The following GPR82 variants were observed in gnomAD, a reference collection of about 807,000 sequenced individuals.
GPR82 encodes probable G protein-coupled receptor 82.
GPR82 carries 6 observed loss-of-function variants against 12.9 expected under a neutral mutation model. That is an observed-to-expected ratio of 0.46 (90% confidence interval 0.25 to 0.92). The LOEUF (loss-of-function observed/expected upper bound fraction) is 0.92, where lower values mean the gene tolerates loss of function less well. Among genes scored for constraint, GPR82 ranks in the 40% least tolerant of loss-of-function variants. The pLI, the probability that GPR82 is intolerant of heterozygous loss-of-function variation, is 0.16. For missense variants in GPR82, 241 were observed against 245.5 expected (o/e 0.98, Z 0.12); for synonymous variants, 90 against 87.6 (o/e 1.03, Z -0.15).
At position 41,728,830 on chromosome X, in the gene GPR82, G is replaced by A. The variant is rs1238802593; in HGVS notation, c.*793G>A. ...CTTACCTAAATGCATGAATAATACA[G>A]TGAAAAAAATCCAAGGTTTTATAAA... On this transcript the variant is annotated 3_prime_UTR_variant, in exon 3 of 3. Transcript: ENST00000302548. 2 of 123,489 alleles carry A rather than the reference G, an allele frequency of 1.6e-5. No individual in the cohort carries two copies. Among genetic ancestry groups the A allele is most frequent in the South Asian group, 7.4e-4 (2 of 2,721 alleles). The allele number at this position is 123,489 out of a possible 1,213,427, so 10.2% of individuals were successfully genotyped here. A position where few individuals can be genotyped will look rare whatever the true frequency, so the allele number is the denominator to read the frequency against.
chrX:41,727,954 C>A lies in GPR82; in HGVS notation c.928C>A (p.Leu310Ile). 8.6e-7 allele frequency: 1 copy of A among 1,164,440 alleles called. No individual in the cohort carries two copies. Among genetic ancestry groups the A allele is most frequent in the Non-Finnish European group, 1.2e-6 (1 of 854,527 alleles). Residue 310 changes from leucine (L) to isoleucine (I), a missense_variant, in exon 3 of 3, where the codon CTT becomes ATT. Coordinates refer to ENST00000302548, the MANE Select transcript of GPR82 (RefSeq NM_080817.5). ...ARSSTDPIIF[L>I]LLDKTFKKTL... ...AAGTAGCACAGACCCCATTATATTTCTTTTATTAGATAAAACATTCAAGAA... is the reference window on the plus strand; with the variant it reads ...AAGTAGCACAGACCCCATTATATTTATTTTATTAGATAAAACATTCAAGAA...
At position 41,729,811 on chromosome X, in the gene GPR82, T is replaced by C. The variant is rs1323354529; in HGVS notation, c.*1774T>C. On this transcript the variant is annotated 3_prime_UTR_variant, in exon 3 of 3. Coordinates refer to ENST00000302548, the MANE Select transcript of GPR82 (RefSeq NM_080817.5). ...ATATATATATATATATATATATGTATGTATGTATGTATATGTGCATAGTTA... is the reference window on the plus strand; with the variant it reads ...ATATATATATATATATATATATGTACGTATGTATGTATATGTGCATAGTTA... The C allele has an allele frequency of 2.0e-5, 2 of 99,376 alleles. No individual in the cohort carries two copies. Among genetic ancestry groups the C allele is most frequent in the Non-Finnish European group, 4.4e-5 (2 of 45,790 alleles). The allele number at this position is 99,376 out of a possible 1,213,427, so 8.2% of individuals were successfully genotyped here. A position where few individuals can be genotyped will look rare whatever the true frequency, so the allele number is the denominator to read the frequency against.
In GPR82 at chrX:41,727,051, C is replaced by A. The variant is rs138093063; in HGVS notation, c.25C>A (p.Gln9Lys). Residue 9 changes from glutamine (Q) to lysine (K), a missense_variant, in exon 3 of 3, where the codon CAA becomes AAA. Physicochemically the swap from Gln to Lys is moderately conservative, Grantham distance 53 (BLOSUM62 1). Coordinates refer to ENST00000302548, the MANE Select transcript of GPR82 (RefSeq NM_080817.5). The part of the protein sequence containing the change: MNNNTTCI[Q>K]PSMISSMALP... ...AATGAACAACAATACAACATGTATT[C>A]AACCATCTATGATCTCTTCCATGGC... 7.5e-5 allele frequency: 87 copies of A among 1,160,367 alleles called. No individual in the cohort carries two copies. Among genetic ancestry groups the A allele is most frequent in the Non-Finnish European group, 9.3e-5 (80 of 860,543 alleles).
intron 1 of GPR82, among the ~76,000 whole-genome samples, chrX:41,724,956 A>C (rs761153933): frequency 8.9e-6 from 1 of 111,914 alleles, no homozygotes; most frequent in Non-Finnish European, 1.9e-5. Context: ...TGAGCAGATA[A>C]TTTTTTCTTA....
rs1310292769 is a variant in GPR82, at chrX:41,728,289, G to A, written c.*252G>A. On this transcript the variant is annotated 3_prime_UTR_variant, in exon 3 of 3. Coordinates refer to ENST00000302548, the MANE Select transcript of GPR82 (RefSeq NM_080817.5). ...GGATCCCACTCATATGAAACTAACA[G>A]GCTGTTTTCTGTTTAAACTCAACTG... 4.1e-6 allele frequency: 1 copy of A among 245,086 alleles called. No individual in the cohort carries two copies. Among genetic ancestry groups the A allele is most frequent in the Non-Finnish European group, 7.5e-6 (1 of 133,126 alleles). The allele number at this position is 245,086 out of a possible 1,213,427, so 20.2% of individuals were successfully genotyped here. A position where few individuals can be genotyped will look rare whatever the true frequency, so the allele number is the denominator to read the frequency against.
Position 41,729,210 on chromosome X carries a change from A to G in GPR82, c.*1173A>G, listed in dbSNP as rs1352109041. 1 of 123,223 alleles carries G rather than the reference A, an allele frequency of 8.1e-6. No individual in the cohort carries two copies. The highest frequency in any genetic ancestry group is 1.9e-5 in the Non-Finnish European group (1 of 53,276). 10.2% of individuals were successfully genotyped at this position (123,223 alleles called of 1,213,427 possible). ...ACTTTTTATTTAGCTGGACAATCTT[A>G]GGCAAATTAACTTATCCTCTGTACG... On this transcript the variant is annotated 3_prime_UTR_variant, in exon 3 of 3. Transcript: ENST00000302548.
intron 1 of GPR82, 134 bp from the exon 2 acceptor site, chrX:41,726,639 T>C (rs1048067104): frequency 8.6e-6 from 1 of 116,654 alleles, no homozygotes; most frequent in Non-Finnish European, 1.8e-5. Flanking sequence ...TGCCTTAAAA[T>C]TTTTTAAATT....
rs779510512 is a variant in GPR82, at chrX:41,727,146, T to A, written c.120T>A (p.Phe40Leu). ...VFGNTLSQWI[F>L]LTKIGKKTST... ...GAAACACTCTCTCTCAATGGATATT[T>A]TTAACAAAAATAGGTAAAAAAACAT... Residue 40 changes from phenylalanine to leucine, a missense_variant, in exon 3 of 3, where the codon TTT becomes TTA. Physicochemically the swap from Phe to Leu is conservative, Grantham distance 22 (BLOSUM62 0). Coordinates refer to ENST00000302548, the MANE Select transcript of GPR82 (RefSeq NM_080817.5). 5.8e-6 allele frequency: 7 copies of A among 1,204,274 alleles called. No individual in the cohort carries two copies.
chrX:41,726,718 A>G (rs1203782564), intron 1 of GPR82, 55 bp from the exon 2 acceptor site: 1 of 164,532 alleles, frequency 6.1e-6, no homozygotes, highest in African/African-American at 3.0e-5. Context: ...CATTTCTCTA[A>G]GTAAAATTAT....
chrX:41,726,706 T>C (rs2068266718), intron 1 of GPR82, 67 bp from the exon 2 acceptor site: 1 of 151,634 alleles, frequency 6.6e-6, no homozygotes. Context: ...CTAAGAACTA[T>C]ACATTTCTCT....
chrX:41,727,479 T>G lies in GPR82; in HGVS notation c.453T>G (p.Phe151Leu). Residue 151 changes from phenylalanine to leucine, a missense_variant, in exon 3 of 3, where the codon TTT becomes TTG. By Grantham distance (22) the Phe-to-Leu change is conservative. Coordinates refer to ENST00000302548, the MANE Select transcript of GPR82 (RefSeq NM_080817.5). ...HLLKKFRQPN[F>L]ARKLCIYIWG... ...TGAAAAAATTTCGCCAGCCCAACTT[T>G]GCTAGAAAACTATGCATTTACATAT... is the stretch of plus-strand genomic sequence containing the variant. 1 of 1,210,142 alleles carries G rather than the reference T, an allele frequency of 8.3e-7. No homozygotes were observed.
In GPR82 at chrX:41,727,815, T is replaced by C. The variant is rs760391098; in HGVS notation, c.789T>C (p.Leu263=). ...AGATTCTACTAATAGTTTGCTTCCTTCCTTATAGTATTTTTAAACCCATTT... is the reference window on the plus strand; with the variant it reads ...AGATTCTACTAATAGTTTGCTTCCTCCCTTATAGTATTTTTAAACCCATTT... ...VIQILLIVCF[L]PYSIFKPIFY... is the part of the protein sequence containing the mutation. The change falls in exon 3 of 3, where the codon CTT becomes CTC. Residue 263 remains leucine, a synonymous_variant. Coordinates refer to ENST00000302548, the MANE Select transcript of GPR82 (RefSeq NM_080817.5). 5.0e-6 allele frequency: 6 copies of C among 1,193,620 alleles called. No homozygotes were observed. The Admixed American group carries it at 1.3e-4, about 26-fold the overall frequency.
Position 41,727,165 on chromosome X carries a change from A to C in GPR82, c.139A>C (p.Lys47Gln). The change falls in exon 3 of 3, where the codon AAA becomes CAA. Residue 47 changes from lysine (K) to glutamine (Q), a missense_variant. Coordinates refer to ENST00000302548, the MANE Select transcript of GPR82 (RefSeq NM_080817.5). ...GATATTTTTAACAAAAATAGGTAAA[A>C]AAACATCAACGCACATCTACCTGTC... ...QWIFLTKIGKKTSTHIYLSHL... is the reference protein window; with the variant it reads ...QWIFLTKIGKQTSTHIYLSHL... 2.5e-6 allele frequency: 3 copies of C among 1,207,941 alleles called. No individual in the cohort carries two copies. Among genetic ancestry groups the C allele is most frequent in the Non-Finnish European group, 3.4e-6 (3 of 892,230 alleles).
chrX:41,726,078 G>T (rs1318189828), intron 1 of GPR82, among the ~76,000 whole-genome samples: 2 of 112,067 alleles, frequency 1.8e-5, no homozygotes, highest in Non-Finnish European at 3.8e-5. Flanking sequence ...CTCCCAAAGT[G>T]CTGGGATAAC....
chrX:41,726,907 C>T (rs749885347), intron 2 of GPR82, 64 bp downstream of exon 2: 1 of 373,837 alleles, frequency 2.7e-6, no homozygotes, highest in East Asian at 4.2e-5. Context: ...TTATTTAATT[C>T]AATGTTTTTC....
chrX:41,724,956 A>AT (rs1383796212), intron 1 of GPR82, among the ~76,000 whole-genome samples: 1 of 111,966 alleles, frequency 8.9e-6, no homozygotes, highest in African/African-American at 3.2e-5. Flanking sequence ...TGAGCAGATA[A>AT]TTTTTTCTTA....
At chrX:41,726,154 G>A (rs2068256850) in intron 1 of GPR82, among the ~76,000 whole-genome samples, 2 of 112,025 alleles carry the variant, frequency 1.8e-5, no homozygotes, top group Admixed American at 1.9e-4. Flanking sequence ...TCGCTATGTT[G>A]TCCAGGGTGT....
Position 41,727,947 on chromosome X carries a change from T to C in GPR82, c.921T>C (p.Ile307=). 8.5e-7 allele frequency: 1 copy of C among 1,174,650 alleles called. No homozygotes were observed. The change falls in exon 3 of 3, where the codon ATT becomes ATC. Residue 307 remains isoleucine, a synonymous_variant. Coordinates refer to ENST00000302548, the MANE Select transcript of GPR82 (RefSeq NM_080817.5). ...LASARSSTDP[I]IFLLLDKTFK... is the part of the protein sequence containing the mutation. Reference sequence around the variant, plus strand: ...CGGCCAGAAGTAGCACAGACCCCATTATATTTCTTTTATTAGATAAAACAT... The same window carrying C: ...CGGCCAGAAGTAGCACAGACCCCATCATATTTCTTTTATTAGATAAAACAT...
At chrX:41,725,149 A>G (rs1302991148) in intron 1 of GPR82, among the ~76,000 whole-genome samples, 1 of 112,023 alleles carries the variant, frequency 8.9e-6, no homozygotes, top group African/African-American at 3.2e-5. Context: ...AAAAATAGCA[A>G]AGAAATAAAA....
Sources: allele counts gnomAD v4.1 joint callset (sites outside exome capture counted in the v4.1 genomes callset), GRCh38; gene constraint gnomAD v4.1.1; transcripts MANE v1.5; gene names NCBI Gene and HGNC (gene_info 2026-07-23, HGNC 2026-07-21).